BEND5: variants seen among roughly 807,000 people sequenced by gnomAD.
BEND5 encodes BEN domain containing 5.
In BEND5, 22 loss-of-function variants were observed where a neutral mutation model predicts 43.9. The observed-to-expected ratio is 0.50, with a 90% CI of 0.36 to 0.72. BEND5 has a LOEUF of 0.72. BEND5 is among the 30% of genes least tolerant of loss of function. The probability of loss-of-function intolerance (pLI) is 0.00; values close to 1 mark genes in which losing one functional copy is unlikely to be tolerated. For synonymous variants in BEND5, 228 were observed against 225.9 expected (o/e 1.01, Z -0.08); for missense variants, 428 against 550.6 (o/e 0.78, Z 2.23).
chr1:48,743,076 T>A (rs1650172866), intron 3 of BEND5, among the ~76,000 whole-genome samples: 1 of 152,172 alleles, frequency 6.6e-6, no homozygotes. Flanking sequence ...GGAAAGAGGT[T>A]CTGTTACGCC....
rs755758094 is a variant in BEND5 at position 48,761,490 on chromosome 1, A to T, written c.227-20T>A. ...TGTCTTCTAAAATGCATATCAAGAG[A>T]ACAAGGTTCATCATGAGTTAAAATG... On this transcript the variant is annotated intron_variant, in intron 1 of 5. Transcript: ENST00000371833. The T allele has an allele frequency of 6.5e-7, 1 of 1,547,052 alleles. No individual in the cohort carries two copies.
intron 3 of BEND5, among the ~76,000 whole-genome samples, chr1:48,755,613 C>G (rs1652430128): frequency 6.6e-6 from 1 of 152,058 alleles, no homozygotes; most frequent in Non-Finnish European, 1.5e-5. Flanking sequence ...ACAAGGGTCT[C>G]TCATTCGCTT....
At chr1:48,750,287 G>C (rs1028568250) in intron 3 of BEND5, among the ~76,000 whole-genome samples, 1 of 152,160 alleles carries the variant, frequency 6.6e-6, no homozygotes, top group African/African-American at 2.4e-5. Context: ...AGTTCTGCTT[G>C]CTCTCATCTA....
rs762052134 is a variant in BEND5, at chr1:48,749,045, A to AG, written c.746-6275dup. On this transcript the variant is annotated intron_variant, in intron 3 of 5. Coordinates refer to ENST00000371833, the MANE Select transcript of BEND5 (RefSeq NM_024603.4). ...TGGATCCGAGAGAGCCCCCTTTCCA[A>AG]GGGGGAGAAGCCCACCCAGGAAGAA... Among the ~76,000 whole-genome samples, 69 of 152,162 alleles carry AG rather than the reference A, an allele frequency of 4.5e-4. 1 individual carries two copies. Among genetic ancestry groups the AG allele is most frequent in the South Asian group, 1.0e-3 (5 of 4,796 alleles).
intron 3 of BEND5, among the ~76,000 whole-genome samples, chr1:48,757,127 C>T (rs932836223): frequency 1.3e-5 from 2 of 152,164 alleles, no homozygotes; most frequent in Admixed American, 6.5e-5. Context: ...CAGGTAGTTT[C>T]CCTGGGAGTT....
At chr1:48,733,331 C>A (rs932565590) in intron 5 of BEND5, among the ~76,000 whole-genome samples, 13 of 152,070 alleles carry the variant, frequency 8.5e-5, no homozygotes, top group African/African-American at 2.9e-4. Flanking sequence ...GAGAGAATCA[C>A]CAGCCCCAAA....
chr1:48,737,309 G>GAAAA (rs750040680), intron 4 of BEND5, among the ~76,000 whole-genome samples: 2 of 151,370 alleles, frequency 1.3e-5, no homozygotes, highest in East Asian at 3.9e-4. Context: ...AAAAAGAAAA[G>GAAAA]AAAAAAAAAT....
intron 3 of BEND5, among the ~76,000 whole-genome samples, chr1:48,743,547 G>C (rs1213198496): frequency 6.6e-6 from 1 of 152,196 alleles, no homozygotes; most frequent in African/African-American, 2.4e-5. Context: ...ATTAACTTTT[G>C]TGGGAGAACA....
rs1039788295 is a variant in BEND5 at position 48,732,159 on chromosome 1, C to T, written c.1108+4080G>A. ...AGGAGTCAAGGATGAGACCTGGGTG[C>T]CTGGCTGGTGGTACTATTCACCAAG... On this transcript the variant is annotated intron_variant, in intron 5 of 5. Coordinates refer to ENST00000371833, the MANE Select transcript of BEND5 (RefSeq NM_024603.4). 3.3e-5 allele frequency among the ~76,000 whole-genome samples: 5 copies of T among 151,974 alleles called. No individual in the cohort carries two copies. In the East Asian group the frequency reaches 9.7e-4, roughly 29 times the overall value.
intron 3 of BEND5, among the ~76,000 whole-genome samples, chr1:48,744,978 T>C (rs907646159): frequency 1.6e-5 from 2 of 127,464 alleles, no homozygotes; most frequent in Non-Finnish European, 3.6e-5. Context: ...TGAGGCTTGA[T>C]TGTCATCACT....
At chr1:48,759,513 AC>A in intron 2 of BEND5, 1 of 858,534 alleles carries the variant, frequency 1.2e-6, no homozygotes, top group Non-Finnish European at 1.7e-6. Context: ...CAAAGTCATA[AC>A]CAGGACACTG....
chr1:48,748,510 A>T (rs1361709414), intron 3 of BEND5, among the ~76,000 whole-genome samples: 1 of 152,150 alleles, frequency 6.6e-6, no homozygotes. Context: ...GAAGCAAAGG[A>T]GGGGGTGCTG....
intron 3 of BEND5, among the ~76,000 whole-genome samples, chr1:48,753,538 A>G (rs571795431): frequency 6.6e-6 from 1 of 152,340 alleles, no homozygotes; most frequent in African/African-American, 2.4e-5. Context: ...CGGACCTTGG[A>G]CAGCACACAA....
chr1:48,738,000 G>A (rs1299367118), intron 4 of BEND5, among the ~76,000 whole-genome samples: 2 of 152,134 alleles, frequency 1.3e-5, no homozygotes, highest in African/African-American at 4.8e-5. Context: ...CTCTGGAGAG[G>A]TCCCTGGTCT....
At position 48,735,298 on chromosome 1, in the gene BEND5, T is replaced by C. The variant is rs541591716; in HGVS notation, c.1108+941A>G. On this transcript the variant is annotated intron_variant, in intron 5 of 5. Transcript: ENST00000371833. ...TTTGTGTTTATCTTCCCTGTGAGAATATGAACTCCTTGCAGATGAAGGCTG... is the reference window on the plus strand; with the variant it reads ...TTTGTGTTTATCTTCCCTGTGAGAACATGAACTCCTTGCAGATGAAGGCTG... 7.2e-5 allele frequency among the ~76,000 whole-genome samples: 11 copies of C among 152,264 alleles called. No homozygotes were observed. In the East Asian group the frequency reaches 2.1e-3, roughly 29 times the overall value.
At position 48,741,837 on chromosome 1, in the gene BEND5, C is replaced by T. The variant is rs1427271022; in HGVS notation, c.894+786G>A. 2.6e-5 allele frequency among the ~76,000 whole-genome samples: 4 copies of T among 152,192 alleles called. No homozygotes were observed. In the South Asian group the frequency reaches 8.3e-4, roughly 31 times the overall value. On this transcript the variant is annotated intron_variant, in intron 4 of 5. Transcript: ENST00000371833. ...TGCCACAGTGGCAGAGAACATAACG[C>T]TAAAGCTGAATTTCACCAGTGCCAA...
chr1:48,730,498 G>A (rs1034220899), intron 5 of BEND5, among the ~76,000 whole-genome samples: 1 of 152,190 alleles, frequency 6.6e-6, no homozygotes, highest in African/African-American at 2.4e-5. Context: ...AAGTGGCAAA[G>A]GAGACAGAAG....
At chr1:48,734,668 T>C (rs1648732587) in intron 5 of BEND5, among the ~76,000 whole-genome samples, 1 of 152,160 alleles carries the variant, frequency 6.6e-6, no homozygotes, top group Non-Finnish European at 1.5e-5. Context: ...TTGCCACCCC[T>C]CAGACCATTA....
At chr1:48,764,918 G>T (rs1644457358) in intron 1 of BEND5, among the ~76,000 whole-genome samples, 1 of 152,144 alleles carries the variant, frequency 6.6e-6, no homozygotes, top group African/African-American at 2.4e-5. Context: ...GCTTCTGGAG[G>T]TAGAGACCTG....
Sources: gnomAD v4.1 joint callset for allele counts (sites outside exome capture counted in the v4.1 genomes callset) on GRCh38, gnomAD v4.1.1 for gene constraint, MANE v1.5 for transcripts, NCBI Gene and HGNC (gene_info 2026-07-23, HGNC 2026-07-21) for gene names.